Variants in DMXL2 observed in about 807,000 individuals in gnomAD.
The protein encoded by DMXL2 is dmX-like protein 2.
DMXL2 carries 103 observed loss-of-function variants against 331.1 expected under a neutral mutation model. The ratio of observed to expected loss-of-function variants is 0.31; its 90% CI spans 0.27 to 0.37. The LOEUF (loss-of-function observed/expected upper bound fraction) is 0.37. DMXL2 is among the 10% of genes least tolerant of loss of function. DMXL2 has a pLI of 1.00. For missense variants in DMXL2, 3,171 were observed against 3,642.9 expected, an observed-to-expected ratio of 0.87 and a Z score of 3.33; for synonymous variants, 1,281 against 1,252.1, an observed-to-expected ratio of 1.02 and a Z score of -0.49.
At chr15:51,452,985 G>C (rs948738077) in intron 41 of DMXL2, among the ~76,000 whole-genome samples, 5 of 152,096 alleles carry the variant, frequency 3.3e-5, no homozygotes, top group Non-Finnish European at 7.4e-5. Flanking sequence ...AGTAACTCAG[G>C]AGTAGAAAAT....
chr15:51,601,562 T>C (rs2141319753), intron 1 of DMXL2, among the ~76,000 whole-genome samples: 1 of 152,324 alleles, frequency 6.6e-6, no homozygotes, highest in East Asian at 1.9e-4. Flanking sequence ...CCAATTGTGA[T>C]ATAAATCAAA....
chr15:51,537,205 G>C (rs2048335875), intron 11 of DMXL2, among the ~76,000 whole-genome samples: 1 of 152,156 alleles, frequency 6.6e-6, no homozygotes, highest in African/African-American at 2.4e-5. Context: ...TTTCAGGGTA[G>C]TTTCTTAATC....
chr15:51,455,208 C>T lies in DMXL2; in HGVS notation c.8547G>A (p.Glu2849=). The part of the protein sequence containing the change: ...QGNKCGVADG[E]GFLSIWQVNQ... ...TAACTTGCCAGATACTCAGAAAACC[C>T]TCTCCATCCGCAACACCACACTGTA... The change falls in exon 40 of 44, where the codon GAG becomes GAA. Residue 2849 remains glutamate (E), a synonymous_variant. Transcript: ENST00000560891. The T allele has an allele frequency of 6.2e-7, 1 of 1,614,070 alleles. No homozygotes were observed. Among genetic ancestry groups the T allele is most frequent in the Non-Finnish European group, 8.5e-7 (1 of 1,179,952 alleles).
At position 51,609,068 on chromosome 15, in the gene DMXL2, C is replaced by T. The variant is rs116720255; in HGVS notation, c.87+13391G>A. On this transcript the variant is annotated intron_variant, in intron 1 of 43. Transcript: ENST00000560891. ...TTGAATTGTCTACAAAGAATGTAAACCCTCATAAGGCTTCAATAAGTGAAA... is the reference window on the plus strand; with the variant it reads ...TTGAATTGTCTACAAAGAATGTAAATCCTCATAAGGCTTCAATAAGTGAAA... Among the ~76,000 whole-genome samples the T allele has an allele frequency of 4.0e-3, 598 of 148,592 alleles. 4 individuals carry two copies. Among genetic ancestry groups the T allele is most frequent in the African/African-American group, 0.014 (582 of 40,570 alleles).
intron 16 of DMXL2, among the ~76,000 whole-genome samples, chr15:51,505,808 A>T (rs2046364043): frequency 6.6e-6 from 1 of 152,240 alleles, no homozygotes; most frequent in Non-Finnish European, 1.5e-5. Context: ...AGTTGTATAA[A>T]ATCAATTAAT....
At chr15:51,527,589 C>T (rs527355626) in intron 13 of DMXL2, among the ~76,000 whole-genome samples, 12 of 151,762 alleles carry the variant, frequency 7.9e-5, no homozygotes, top group Non-Finnish European at 1.5e-4. Flanking sequence ...ATTAGCTGGG[C>T]GTGGCAGTGT....
intron 1 of DMXL2, among the ~76,000 whole-genome samples, chr15:51,588,469 C>T (rs1477473704): frequency 6.6e-6 from 1 of 152,134 alleles, no homozygotes; most frequent in Non-Finnish European, 1.5e-5. Flanking sequence ...TGAGCTGCCA[C>T]ACCCAGCCAC....
chr15:51,507,337 T>C (rs2046465442), intron 15 of DMXL2, 84 bp from the exon 16 acceptor site: 1 of 1,292,448 alleles, frequency 7.7e-7, no homozygotes, highest in Non-Finnish European at 1.1e-6. Flanking sequence ...CCACCACCTC[T>C]TGATATGCAT....
Position 51,498,749 on chromosome 15 carries a change from T to G in DMXL2, c.4475A>C (p.Lys1492Thr). 10 of 1,614,176 alleles carry G rather than the reference T, an allele frequency of 6.2e-6. No individual in the cohort carries two copies. Among genetic ancestry groups the G allele is most frequent in the Non-Finnish European group, 8.5e-6 (10 of 1,180,018 alleles). The change falls in exon 18 of 44, where the codon AAA becomes ACA. Residue 1492 changes from lysine (K) to threonine (T), a missense_variant. By Grantham distance (78) the Lys-to-Thr change is moderately conservative (BLOSUM62 -1). Coordinates refer to ENST00000560891, the MANE Select transcript of DMXL2 (RefSeq NM_001378457.1). ...TTGAGAAAGATTTATTACTTTTGAT[T>G]TGTTTTCTCTCTTTTCAGGCTCTAA... ...IDLEPEKRENKSKVINLSQYG... is the reference protein window; with the variant it reads ...IDLEPEKRENTSKVINLSQYG...
chr15:51,479,985 A>T lies in DMXL2; in HGVS notation c.6719T>A (p.Met2240Lys). 3.3e-6 allele frequency: 5 copies of T among 1,533,410 alleles called. No individual in the cohort carries two copies. Among genetic ancestry groups the T allele is most frequent in the Non-Finnish European group, 4.4e-6 (5 of 1,126,216 alleles). The allele number at this position is 1,533,410 out of a possible 1,614,324, so 95.0% of individuals were successfully genotyped here. A position where few individuals can be genotyped will look rare whatever the true frequency, so the allele number is the denominator to read the frequency against. ...AATACTGGGATGAGGTGGTGTTTTC[A>T]TCTGAACAATAGTATAAAGTATATC... ...IHDILYTIVQ[M>K]KTPPHPSIED... Residue 2240 changes from methionine (M) to lysine (K), a missense_variant, in exon 25 of 44, where the codon ATG becomes AAG. By Grantham distance (95) the Met-to-Lys change is moderately conservative. Around this residue, in one of 7 missense-constraint regions of DMXL2, gnomAD observed 197 missense variants for 196.2 expected, o/e 1.00. Transcript: ENST00000560891.
At chr15:51,537,853 A>G in intron 10 of DMXL2, 94 bp from the exon 11 acceptor site, 3 of 1,339,444 alleles carry the variant, frequency 2.2e-6, no homozygotes, top group Non-Finnish European at 3.0e-6. Context: ...TAAAAACTAA[A>G]TCTCTTTTCC....
intron 7 of DMXL2, 96 bp from the exon 8 acceptor site, chr15:51,545,862 GC>G: frequency 2.1e-6 from 2 of 954,708 alleles, no homozygotes; most frequent in Non-Finnish European, 1.6e-6. Context: ...TAACATTAGT[GC>G]AAAACACTAT....
intron 18 of DMXL2, 51 bp downstream of exon 18, chr15:51,498,501 C>A: frequency 6.5e-7 from 1 of 1,533,482 alleles, no homozygotes; most frequent in Non-Finnish European, 8.8e-7. Flanking sequence ...AGAGATAATA[C>A]AAATATTTCT....
In DMXL2 at chr15:51,486,145, C is replaced by T. The variant is rs775763784; in HGVS notation, c.5410G>A (p.Val1804Ile). 9.3e-6 allele frequency: 15 copies of T among 1,613,880 alleles called. No individual in the cohort carries two copies. In the East Asian group the frequency reaches 3.3e-4, roughly 36 times the overall value. ...AAGGCTCGGGTGTAATCTTTCATTACCCAATAGGCAAGACTACGCAGGAAA... is the reference window on the plus strand; with the variant it reads ...AAGGCTCGGGTGTAATCTTTCATTATCCAATAGGCAAGACTACGCAGGAAA... ...DPFLRSLAYW[V>I]MKDYTRALDT... Residue 1804 changes from valine to isoleucine, a missense_variant, in exon 23 of 44, where the codon GTA (valine) becomes ATA (isoleucine). Around this residue, in one of 7 missense-constraint regions of DMXL2, gnomAD observed 252 missense variants for 387.4 expected, o/e 0.65. Coordinates refer to ENST00000560891, the MANE Select transcript of DMXL2 (RefSeq NM_001378457.1).
chr15:51,513,171 C>T (rs1413679947), intron 15 of DMXL2, among the ~76,000 whole-genome samples: 4 of 151,866 alleles, frequency 2.6e-5, no homozygotes, highest in South Asian at 2.1e-4. Flanking sequence ...ATATCAAAAG[C>T]GAGAAATAAA....
intron 9 of DMXL2, among the ~76,000 whole-genome samples, chr15:51,541,589 G>T (rs2048600120): frequency 6.6e-6 from 1 of 151,982 alleles, no homozygotes; most frequent in South Asian, 2.1e-4. Flanking sequence ...ACTAAATACT[G>T]TATTTACATA....
Position 51,565,105 on chromosome 15 carries a change from A to G in DMXL2, c.347T>C (p.Leu116Ser). ...QFFLSSVTYN[L>S]AWDPQDNRLL... ...CTAAATACCTTGAGGATCCCATGCT[A>G]AGTTGTATGTCACAGAACTCAAAAA... The change falls in exon 4 of 44, where the codon TTA becomes TCA. Residue 116 changes from leucine to serine, a missense_variant. By Grantham distance (145) the Leu-to-Ser change is moderately radical. Coordinates refer to ENST00000560891, the MANE Select transcript of DMXL2 (RefSeq NM_001378457.1). 6.4e-7 allele frequency: 1 copy of G among 1,560,314 alleles called. No homozygotes were observed.
At chr15:51,449,217 A>C in intron 43 of DMXL2, 24 bp from the exon 44 acceptor site, 1 of 1,611,662 alleles carries the variant, frequency 6.2e-7, no homozygotes, top group Non-Finnish European at 8.5e-7. Context: ...AAAGGAGTTA[A>C]AAATATATTA....
In DMXL2 at chr15:51,507,126, T is replaced by C; in HGVS notation, c.2764+8A>G. The C allele has an allele frequency of 6.3e-7, 1 of 1,581,946 alleles. No individual in the cohort carries two copies. ...GTATCATCTCTGTATAAAACTATAA[T>C]TACTTACCTAAACATGCTTGTACAG... On this transcript the variant is annotated splice_region_variant and intron_variant, in intron 16 of 43. Coordinates refer to ENST00000560891, the MANE Select transcript of DMXL2 (RefSeq NM_001378457.1).
Sources: gnomAD v4.1 joint callset for allele counts (sites outside exome capture counted in the v4.1 genomes callset) on GRCh38, gnomAD v4.1.1 for gene constraint, gnomAD v4.1.1 regional missense constraint, MANE v1.5 for transcripts, NCBI Gene and HGNC (gene_info 2026-07-23, HGNC 2026-07-21) for gene names.